SKAP1: variants seen among roughly 807,000 people sequenced by gnomAD.
SKAP1 encodes the protein src kinase associated phosphoprotein 1, also known as src kinase-associated phosphoprotein 1.
A neutral mutation model predicts 58.5 loss-of-function variants in SKAP1; 44 were observed. The observed-to-expected ratio is 0.75, with a 90% CI of 0.59 to 0.97. The LOEUF (loss-of-function observed/expected upper bound fraction) is 0.97. Ranked by LOEUF, SKAP1 falls within the 50% of genes least tolerant of loss-of-function variation. SKAP1 has a pLI of 0.00. For missense variants in SKAP1, 390 were observed against 435.2 expected (o/e 0.90, Z 0.92); for synonymous variants, 127 against 149.7 (o/e 0.85, Z 1.11).
intron 2 of SKAP1, among the ~76,000 whole-genome samples, chr17:48,375,094 C>T (rs1464453340): frequency 6.6e-6 from 1 of 152,188 alleles, no homozygotes; most frequent in Non-Finnish European, 1.5e-5. Context: ...ACTGTAACAA[C>T]AGACAATAGG....
intron 2 of SKAP1, among the ~76,000 whole-genome samples, chr17:48,389,444 G>C (rs2067319020): frequency 6.6e-6 from 1 of 152,258 alleles, no homozygotes. Flanking sequence ...GATAGGCTGA[G>C]ATCTTCCCAA....
At chr17:48,246,776 C>T (rs2143850766) in intron 4 of SKAP1, among the ~76,000 whole-genome samples, 1 of 152,280 alleles carries the variant, frequency 6.6e-6, no homozygotes, top group East Asian at 1.9e-4. Flanking sequence ...CTTGGAGCTG[C>T]TATGTACTTA....
intron 1 of SKAP1, among the ~76,000 whole-genome samples, chr17:48,424,720 G>A (rs1284731270): frequency 3.3e-5 from 5 of 150,744 alleles, no homozygotes; most frequent in South Asian, 2.1e-4. Flanking sequence ...GGATCACGAG[G>A]TCAAGAGATC....
upstream of SKAP1, among the ~76,000 whole-genome samples, chr17:48,432,806 T>G (rs1342656462): frequency 6.6e-6 from 1 of 152,212 alleles, no homozygotes; most frequent in Middle Eastern, 3.2e-3. Flanking sequence ...CATACTAATA[T>G]AAGCTACCAG....
rs576346804 is a variant in SKAP1 at position 48,404,004 on chromosome 17, C to T, written c.47-7219G>A. Among the ~76,000 whole-genome samples the T allele has an allele frequency of 1.1e-4, 16 of 149,072 alleles. 1 individual carries two copies. Among genetic ancestry groups the T allele is most frequent in the African/African-American group, 3.9e-4 (16 of 40,544 alleles). On this transcript the variant is annotated intron_variant, in intron 1 of 12. Transcript: ENST00000336915. The stretch of plus-strand genomic sequence containing the variant: ...CTTGGGAGGCTGAGGCAGGAGAATC[C>T]CTTGAACCTGGGAGGCGGAGAGTGC...
chr17:48,243,996 TAA>T (rs1335316358), intron 4 of SKAP1, among the ~76,000 whole-genome samples: 1 of 152,094 alleles, frequency 6.6e-6, no homozygotes, highest in Non-Finnish European at 1.5e-5. Flanking sequence ...AGATGTTAAA[TAA>T]AAGACAAGAA....
At chr17:48,218,594 G>A (rs1329056393) in intron 4 of SKAP1, among the ~76,000 whole-genome samples, 1 of 152,196 alleles carries the variant, frequency 6.6e-6, no homozygotes, top group African/African-American at 2.4e-5. Flanking sequence ...ACTCAACGAA[G>A]AGCTTGTGTG....
chr17:48,303,326 G>A (rs2066088349), intron 4 of SKAP1, among the ~76,000 whole-genome samples: 1 of 152,156 alleles, frequency 6.6e-6, no homozygotes, highest in Non-Finnish European at 1.5e-5. Flanking sequence ...CTCTTTTGAA[G>A]GCTCTCTATC....
At chr17:48,333,471 G>A (rs531226680) in intron 4 of SKAP1, among the ~76,000 whole-genome samples, 3 of 152,030 alleles carry the variant, frequency 2.0e-5, no homozygotes, top group African/African-American at 7.2e-5. Context: ...GAATTGATAG[G>A]AACTTTTCCA....
At chr17:48,222,787 C>G (rs546500933) in intron 4 of SKAP1, among the ~76,000 whole-genome samples, 19 of 150,834 alleles carry the variant, frequency 1.3e-4, no homozygotes, top group Non-Finnish European at 1.8e-4. Flanking sequence ...CTCTTAAGGC[C>G]GGGTGTGGTG....
At chr17:48,406,091 C>T (rs1383982811) in intron 1 of SKAP1, among the ~76,000 whole-genome samples, 1 of 151,696 alleles carries the variant, frequency 6.6e-6, no homozygotes, top group Non-Finnish European at 1.5e-5. Flanking sequence ...ATGGTGAAAC[C>T]CCATCTCTAC....
At chr17:48,176,416 G>A (rs571494848) in intron 9 of SKAP1, among the ~76,000 whole-genome samples, 1 of 152,352 alleles carries the variant, frequency 6.6e-6, no homozygotes, top group African/African-American at 2.4e-5. Context: ...GAATCATGGA[G>A]CTGGGCCTAT....
intron 11 of SKAP1, among the ~76,000 whole-genome samples, chr17:48,141,308 C>T (rs1276200013): frequency 1.3e-5 from 2 of 152,096 alleles, no homozygotes; most frequent in Non-Finnish European, 2.9e-5. Context: ...CCCTACAGTA[C>T]ACATTGATAA....
At chr17:48,300,372 G>T (rs1337117817) in intron 4 of SKAP1, among the ~76,000 whole-genome samples, 3 of 143,382 alleles carry the variant, frequency 2.1e-5, no homozygotes, top group Non-Finnish European at 3.0e-5. Context: ...AGGGAGTTCT[G>T]GGGATTTTGA....
the SKAP1 span, among the ~76,000 whole-genome samples, chr17:48,435,588 A>C: frequency 6.6e-6 from 1 of 152,232 alleles, no homozygotes; most frequent in Non-Finnish European, 1.5e-5. Flanking sequence ...AAGGAGATTG[A>C]AGGTAGAAGG....
In SKAP1 at chr17:48,188,014, GTTA is replaced by G. The variant is rs1438575061; in HGVS notation, c.359-91_359-89del. 8.5e-6 allele frequency: 8 copies of G among 943,084 alleles called. No individual in the cohort carries two copies. In the East Asian group the frequency reaches 2.0e-4, roughly 24 times the overall value. 58.4% of individuals were successfully genotyped at this position (943,084 alleles called of 1,614,324 possible). A position where few individuals can be genotyped will look rare whatever the true frequency, so the allele number is the denominator to read the frequency against. ...AATCCAACAACATACAGTCCAGTGTGTTATTGTTTTATTTCCCAGGTTAATGGA... is the reference window on the plus strand; with the variant it reads ...AATCCAACAACATACAGTCCAGTGTGTTGTTTTATTTCCCAGGTTAATGGA... On this transcript the variant is annotated intron_variant, in intron 5 of 12. Transcript: ENST00000336915.
intron 2 of SKAP1, among the ~76,000 whole-genome samples, chr17:48,364,339 G>A (rs1387653693): frequency 2.6e-5 from 4 of 151,920 alleles, no homozygotes; most frequent in Non-Finnish European, 4.4e-5. Flanking sequence ...CTGCAGCCTC[G>A]AACTCCTGGG....
rs146407255 is a variant in SKAP1, at chr17:48,167,563, G to C, written c.877+3046C>G. 3.5e-3 allele frequency among the ~76,000 whole-genome samples: 533 copies of C among 152,276 alleles called. 3 individuals carry two copies. Among genetic ancestry groups the C allele is most frequent in the Middle Eastern group, 0.01 (3 of 294 alleles). ...GGGCCTCAGAGATGGAATGGTATAAGCAACCATTTTTTGGCCCTCCTAAAA... is the reference window on the plus strand; with the variant it reads ...GGGCCTCAGAGATGGAATGGTATAACCAACCATTTTTTGGCCCTCCTAAAA... On this transcript the variant is annotated intron_variant, in intron 10 of 12. Transcript: ENST00000336915.
At chr17:48,149,680 G>A (rs1036932047) in intron 11 of SKAP1, among the ~76,000 whole-genome samples, 3 of 152,130 alleles carry the variant, frequency 2.0e-5, no homozygotes, top group East Asian at 1.9e-4. Context: ...AAATGAACGC[G>A]GGTACTAATG....
Sources: allele counts gnomAD v4.1 joint callset (sites outside exome capture counted in the v4.1 genomes callset), GRCh38; gene constraint gnomAD v4.1.1; transcripts MANE v1.5; gene names NCBI Gene and HGNC (gene_info 2026-07-23, HGNC 2026-07-21).